SLC1A4: variants seen among roughly 807,000 people sequenced by gnomAD.
SLC1A4 encodes the protein solute carrier family 1 member 4.
In SLC1A4, 19 loss-of-function variants were observed where a neutral mutation model predicts 37.7. The ratio of observed to expected loss-of-function variants is 0.50; its 90% confidence interval spans 0.35 to 0.74. The LOEUF (loss-of-function observed/expected upper bound fraction) is 0.74, where lower values mean the gene tolerates loss of function less well. Among genes scored for constraint, SLC1A4 ranks in the 30% least tolerant of loss-of-function variants. The pLI, the probability that SLC1A4 is intolerant of heterozygous loss-of-function variation, is 0.01. For synonymous variants in SLC1A4, 299 were observed against 309.8 expected (o/e 0.97, Z 0.37); for missense variants, 570 against 712.9 (o/e 0.80, Z 2.28).
chr2:65,012,902 A>G (rs1673976690), intron 4 of SLC1A4, among the ~76,000 whole-genome samples: 1 of 152,202 alleles, frequency 6.6e-6, no homozygotes, highest in African/African-American at 2.4e-5. Flanking sequence ...AATTAAATTT[A>G]AAAGTAAAAA....
Position 65,021,012 on chromosome 2 carries a change from C to A in SLC1A4, c.1465C>A (p.Leu489Ile). Residue 489 changes from leucine (L) to isoleucine (I), a missense_variant, in exon 8 of 8, where the codon CTT (leucine) becomes ATT (isoleucine). Coordinates refer to ENST00000234256, the MANE Select transcript of SLC1A4 (RefSeq NM_003038.5). Reference sequence around the variant, plus strand: ...GGCAACAAAGAAAGGCGAGCAGGAACTTGCTGAGGTGAAAGTGGAAGCCAT... The same window carrying A: ...GGCAACAAAGAAAGGCGAGCAGGAAATTGCTGAGGTGAAAGTGGAAGCCAT... ...QKATKKGEQE[L>I]AEVKVEAIPN... is the part of the protein sequence containing the mutation. The A allele has an allele frequency of 6.2e-7, 1 of 1,614,272 alleles. No homozygotes were observed. The highest frequency in any genetic ancestry group is 1.6e-4 in the Middle Eastern group (1 of 6,062).
chr2:64,998,114 G>A (rs536115158), intron 1 of SLC1A4, among the ~76,000 whole-genome samples: 3 of 152,284 alleles, frequency 2.0e-5, no homozygotes, highest in African/African-American at 7.2e-5. Context: ...GCGGGCGCCT[G>A]TAGTCCCAGC....
chr2:65,011,009 A>G (rs2103665525), intron 4 of SLC1A4, among the ~76,000 whole-genome samples: 1 of 151,618 alleles, frequency 6.6e-6, no homozygotes, highest in Admixed American at 6.6e-5. Context: ...GTCCACACTG[A>G]CCCCTTGGTG....
intron 5 of SLC1A4, among the ~76,000 whole-genome samples, chr2:65,017,233 C>T (rs773542480): frequency 1.3e-5 from 2 of 151,846 alleles, no homozygotes; most frequent in Admixed American, 6.6e-5. Flanking sequence ...AATTAGAAAA[C>T]GAGTCTGAGG....
intron 3 of SLC1A4, among the ~76,000 whole-genome samples, chr2:65,005,191 C>T (rs1213553621): frequency 2.6e-5 from 4 of 152,180 alleles, no homozygotes; most frequent in Non-Finnish European, 5.9e-5. Context: ...ATAGGATGCT[C>T]TGAGGCCTGG....
upstream of SLC1A4, chr2:64,989,380 C>G: frequency 2.9e-6 from 1 of 339,782 alleles, no homozygotes; most frequent in Non-Finnish European, 5.3e-6. Flanking sequence ...CGTCCGCGTT[C>G]GCGGCTCCCG....
chr2:64,992,229 C>T (rs1673086124), intron 1 of SLC1A4, among the ~76,000 whole-genome samples: 1 of 152,108 alleles, frequency 6.6e-6, no homozygotes, highest in African/African-American at 2.4e-5. Flanking sequence ...GCACCGGGAG[C>T]CTCAATAGGA....
At position 65,021,262 on chromosome 2, in the gene SLC1A4, T is replaced by C. The variant is rs1180861695; in HGVS notation, c.*116T>C. ...AACTTTTACCCTCCCAAGCAATGCTTTGGCCCAGTCGCTGGCCTGAGGCTT... is the reference window on the plus strand; with the variant it reads ...AACTTTTACCCTCCCAAGCAATGCTCTGGCCCAGTCGCTGGCCTGAGGCTT... On this transcript the variant is annotated 3_prime_UTR_variant, in exon 8 of 8. Transcript: ENST00000234256. 4 of 803,460 alleles carry C rather than the reference T, an allele frequency of 5.0e-6. No individual in the cohort carries two copies. Among genetic ancestry groups the C allele is most frequent in the Middle Eastern group, 3.0e-4 (1 of 3,328 alleles). The allele number at this position is 803,460 out of a possible 1,614,324, so 49.8% of individuals were successfully genotyped here. A position where few individuals can be genotyped will look rare whatever the true frequency, so the allele number is the denominator to read the frequency against.
intron 2 of SLC1A4, among the ~76,000 whole-genome samples, chr2:65,002,877 C>G (rs1673532721): frequency 6.6e-6 from 1 of 151,822 alleles, no homozygotes; most frequent in Non-Finnish European, 1.5e-5. Flanking sequence ...TGCCTGGTCT[C>G]CTATGACCAT....
In SLC1A4 at chr2:65,021,295, G is replaced by A. The variant is rs560613598; in HGVS notation, c.*149G>A. The A allele has an allele frequency of 4.1e-5, 26 of 641,262 alleles. No homozygotes were observed. The highest frequency in any genetic ancestry group is 3.2e-4 in the Admixed American group (11 of 34,038). 39.7% of individuals were successfully genotyped at this position (641,262 alleles called of 1,614,324 possible). A position where few individuals can be genotyped will look rare whatever the true frequency, so the allele number is the denominator to read the frequency against. On this transcript the variant is annotated 3_prime_UTR_variant, in exon 8 of 8. Coordinates refer to ENST00000234256, the MANE Select transcript of SLC1A4 (RefSeq NM_003038.5). The stretch of plus-strand genomic sequence containing the variant: ...GTCGCTGGCCTGAGGCTTACCTCTC[G>A]GCACTGGCATTGGGCTCCCCAGCCG...
At chr2:65,003,362 G>A (rs61667240) in intron 2 of SLC1A4, among the ~76,000 whole-genome samples, 2,852 of 152,284 alleles carry the variant, frequency 0.019, 103 homozygotes, top group South Asian at 0.12. Flanking sequence ...TCAACCAGGG[G>A]ACCAAAGCTA....
intron 3 of SLC1A4, 31 bp from the exon 4 acceptor site, chr2:65,010,565 GT>G (rs1358520750): frequency 6.4e-7 from 1 of 1,560,844 alleles, no homozygotes; most frequent in African/African-American, 1.4e-5. Context: ...CTCATCTGTT[GT>G]AAACTTGTTC....
rs1286177722 is a variant in SLC1A4, at chr2:64,989,581, A to G, written c.-63A>G. ...TGGCCGACCGACCCATTCATTGGGA[A>G]CCCCGTCTTTTGCCAGAGCCCACGT... On this transcript the variant is annotated 5_prime_UTR_variant, in exon 1 of 8. Coordinates refer to ENST00000234256, the MANE Select transcript of SLC1A4 (RefSeq NM_003038.5). The G allele has an allele frequency of 2.2e-6, 3 of 1,366,376 alleles. No homozygotes were observed. The East Asian group carries it at 8.8e-5, about 40-fold the overall frequency. The allele number at this position is 1,366,376 out of a possible 1,614,324, so 84.6% of individuals were successfully genotyped here. A position where few individuals can be genotyped will look rare whatever the true frequency, so the allele number is the denominator to read the frequency against.
intron 1 of SLC1A4, among the ~76,000 whole-genome samples, chr2:64,994,535 T>A (rs1424981074): frequency 6.6e-6 from 1 of 152,222 alleles, no homozygotes; most frequent in Non-Finnish European, 1.5e-5. Context: ...CCCAGTTTTC[T>A]AGGGTTTTTT....
At chr2:65,003,794 T>G (rs1673568542) in intron 2 of SLC1A4, among the ~76,000 whole-genome samples, 159 bp from the exon 3 acceptor site, 1 of 152,172 alleles carries the variant, frequency 6.6e-6, no homozygotes, top group African/African-American at 2.4e-5. Flanking sequence ...TTTTTCACAG[T>G]TCTCAGAGGC....
chr2:64,989,787 C>A lies in SLC1A4; in HGVS notation c.144C>A (p.Thr48=). Residue 48 remains threonine (T), a synonymous_variant, in exon 1 of 8, where the codon ACC becomes ACA. Transcript: ENST00000234256. The stretch of plus-strand genomic sequence containing the variant: ...GGCGCCAAGCGCTGGTGCTGCTCAC[C>A]GTGTCCGGGGTGCTGGCGGGCGCGG... ...FLRRQALVLL[T]VSGVLAGAGL... is the part of the protein sequence containing the mutation. The A allele has an allele frequency of 6.6e-7, 1 of 1,505,372 alleles. No individual in the cohort carries two copies. The highest frequency in any genetic ancestry group is 8.8e-7 in the Non-Finnish European group (1 of 1,131,876). 93.3% of individuals were successfully genotyped at this position (1,505,372 alleles called of 1,614,324 possible).
chr2:64,988,698 T>A (rs866370361), upstream of SLC1A4: 1 of 152,294 alleles, frequency 6.6e-6, no homozygotes, highest in African/African-American at 2.4e-5. Context: ...GTCCTTTGTC[T>A]CAAGGCCGGG....
chr2:65,011,953 G>A (rs1430005111), intron 4 of SLC1A4, among the ~76,000 whole-genome samples: 2 of 150,958 alleles, frequency 1.3e-5, no homozygotes, highest in Admixed American at 6.6e-5. Context: ...ATTTTTAGTA[G>A]AGACAGGGTT....
chr2:65,018,277 A>T lies in SLC1A4; in HGVS notation c.1229+12A>T. 1 of 1,607,546 alleles carries T rather than the reference A, an allele frequency of 6.2e-7. No homozygotes were observed. The highest frequency in any genetic ancestry group is 1.7e-5 in the Admixed American group (1 of 59,574). ...ATTTTCACCATTCTGTAAGTTCCTC[A>T]TTCTTTCCCTGGCTCAAAACTGAAG... On this transcript the variant is annotated intron_variant, in intron 6 of 7. Transcript: ENST00000234256. This position sits in a 1 kb window ranked among gnomAD's most constrained non-coding sequence, Gnocchi z 4.3.
Sources: gnomAD v4.1 joint callset for allele counts (sites outside exome capture counted in the v4.1 genomes callset) on GRCh38, gnomAD v4.1.1 for gene constraint, Gnocchi (gnomAD v3.1) non-coding constraint, MANE v1.5 for transcripts, NCBI Gene and HGNC (gene_info 2026-07-23, HGNC 2026-07-21) for gene names.